CALN1: variants seen among roughly 807,000 people sequenced by gnomAD.
CALN1 encodes the protein calcium-binding protein 8.
CALN1 carries 17 observed loss-of-function variants against 30.6 expected under a neutral mutation model. That is an observed-to-expected ratio of 0.56 (90% CI 0.38 to 0.83). The LOEUF (loss-of-function observed/expected upper bound fraction) is 0.83. Among genes scored for constraint, CALN1 ranks in the 40% least tolerant of loss-of-function variants. The pLI is 0.00. For missense variants in CALN1, 291 were observed against 354.9 expected (o/e 0.82, Z 1.45); for synonymous variants, 156 against 131.4 (o/e 1.19, Z -1.28).
At chr7:72,292,842 A>C (rs1798589216) in intron 2 of CALN1, among the ~76,000 whole-genome samples, 1 of 150,142 alleles carries the variant, frequency 6.7e-6, no homozygotes, top group Non-Finnish European at 1.5e-5. Context: ...AAAGAATTTC[A>C]ACATATGACT....
chr7:72,411,455 CTG>C (rs1807140927), intron 1 of CALN1, among the ~76,000 whole-genome samples: 1 of 152,102 alleles, frequency 6.6e-6, no homozygotes, highest in African/African-American at 2.4e-5. Flanking sequence ...AGTAAAAACT[CTG>C]AAATCTAGTT....
chr7:72,102,732 T>C (rs779004155), intron 4 of CALN1, among the ~76,000 whole-genome samples: 12 of 152,068 alleles, frequency 7.9e-5, no homozygotes, highest in Non-Finnish European at 1.3e-4. Context: ...AGAGAAGTGC[T>C]TGTGTAGGGC....
intron 2 of CALN1, among the ~76,000 whole-genome samples, chr7:72,317,283 AG>A (rs2129556950): frequency 6.7e-6 from 1 of 149,258 alleles, no homozygotes; most frequent in African/African-American, 2.5e-5. Context: ...GAGGAAGGGA[AG>A]GGAAGGAAGG....
At chr7:72,122,435 C>T (rs1808461209) in intron 3 of CALN1, among the ~76,000 whole-genome samples, 1 of 152,144 alleles carries the variant, frequency 6.6e-6, no homozygotes, top group Non-Finnish European at 1.5e-5. Flanking sequence ...TCTTGAGAAT[C>T]CTTTCAAGAA....
At chr7:72,032,217 C>T (rs891863054) in intron 4 of CALN1, among the ~76,000 whole-genome samples, 4 of 151,944 alleles carry the variant, frequency 2.6e-5, no homozygotes, top group Admixed American at 1.3e-4. Flanking sequence ...CACCACTGCG[C>T]CCAGCTAATT....
At chr7:71,970,718 G>C (rs17144147) in intron 5 of CALN1, among the ~76,000 whole-genome samples, 10 of 151,916 alleles carry the variant, frequency 6.6e-5, no homozygotes, top group Non-Finnish European at 1.5e-4. Context: ...AATAAAGCTC[G>C]TGACATTTTC....
At chr7:72,443,625 T>C (rs1808428424) in intron 1 of CALN1, among the ~76,000 whole-genome samples, 1 of 151,850 alleles carries the variant, frequency 6.6e-6, no homozygotes, top group Non-Finnish European at 1.5e-5. Flanking sequence ...ATCATCTACT[T>C]GAAAGAAGCC....
At chr7:71,906,301 G>T (rs1183700238) in intron 5 of CALN1, among the ~76,000 whole-genome samples, 1 of 152,144 alleles carries the variant, frequency 6.6e-6, no homozygotes, top group Non-Finnish European at 1.5e-5. Flanking sequence ...GCTTTGGGAA[G>T]TGCAATTTAG....
chr7:71,831,871 C>CAAAA lies in CALN1; in HGVS notation c.502-21383_502-21380dup, dbSNP rs751078568. Among the ~76,000 whole-genome samples the CAAAA allele has an allele frequency of 6.7e-4, 14 of 20,862 alleles. 1 individual carries two copies. The highest frequency in any genetic ancestry group is 8.7e-4 in the Non-Finnish European group (9 of 10,352). The allele number at this position is 20,862 out of a possible 152,430, so 13.7% of individuals were successfully genotyped here. On this transcript the variant is annotated intron_variant, in intron 5 of 6. Transcript: ENST00000395275. ...GGGTGAAGGGAGTGAAACCCTGCCT[C>CAAAA]AAAAAAAAAAAAAAAAAAAAAAAAA...
intron 5 of CALN1, among the ~76,000 whole-genome samples, chr7:72,018,783 T>G (rs1008059630): frequency 1.3e-5 from 2 of 152,182 alleles, no homozygotes; most frequent in African/African-American, 4.8e-5. Context: ...TATTCTACCC[T>G]TGGCACTATA....
intron 2 of CALN1, among the ~76,000 whole-genome samples, chr7:72,311,766 A>G (rs990487252): frequency 2.2e-4 from 32 of 148,234 alleles, no homozygotes; most frequent in Non-Finnish European, 4.4e-4. Context: ...CAAACTGCTG[A>G]GATTACAGGC....
intron 3 of CALN1, among the ~76,000 whole-genome samples, chr7:72,128,117 C>T (rs546015120): frequency 1.0e-3 from 158 of 152,196 alleles, no homozygotes; most frequent in Non-Finnish European, 1.9e-3. Flanking sequence ...CCAGCAATTC[C>T]ATTGTAGGAA....
intron 5 of CALN1, among the ~76,000 whole-genome samples, chr7:71,928,285 C>T (rs1259936953): frequency 6.6e-6 from 1 of 152,080 alleles, no homozygotes. Context: ...TGATTCTCTC[C>T]CACTGTATGG....
At chr7:72,201,726 T>C (rs1791437272) in intron 3 of CALN1, among the ~76,000 whole-genome samples, 1 of 145,752 alleles carries the variant, frequency 6.9e-6, no homozygotes, top group Non-Finnish European at 1.5e-5. Flanking sequence ...ATGTACAACC[T>C]TGAATCTGAT....
chr7:71,971,757 G>T (rs768316861), intron 5 of CALN1, among the ~76,000 whole-genome samples: 2 of 151,190 alleles, frequency 1.3e-5, no homozygotes, highest in Non-Finnish European at 2.9e-5. Context: ...AATTAGCCAA[G>T]TATGGTAGCA....
intron 4 of CALN1, among the ~76,000 whole-genome samples, chr7:72,056,022 T>C (rs1308273495): frequency 6.6e-6 from 1 of 152,134 alleles, no homozygotes; most frequent in East Asian, 1.9e-4. Context: ...CCTGTCTCAA[T>C]TAAAAAATAA....
chr7:71,939,401 T>G (rs879754991), intron 5 of CALN1, among the ~76,000 whole-genome samples: 1 of 41,362 alleles, frequency 2.4e-5, no homozygotes. Flanking sequence ...CTACTAAAAA[T>G]ACAAAAAAAA....
At chr7:72,146,222 C>G (rs1385411616) in intron 3 of CALN1, among the ~76,000 whole-genome samples, 1 of 152,132 alleles carries the variant, frequency 6.6e-6, no homozygotes, top group Non-Finnish European at 1.5e-5. Context: ...TCTAGAAAAC[C>G]CCATTGTCTC....
At chr7:72,089,391 A>G (rs940647610) in intron 4 of CALN1, among the ~76,000 whole-genome samples, 1 of 152,192 alleles carries the variant, frequency 6.6e-6, no homozygotes, top group Admixed American at 6.6e-5. Context: ...CATACTAGGT[A>G]CACAGGAGAA....
Sources: allele counts gnomAD v4.1 joint callset (sites outside exome capture counted in the v4.1 genomes callset), GRCh38; gene constraint gnomAD v4.1.1; transcripts MANE v1.5; gene names NCBI Gene and HGNC (gene_info 2026-07-23, HGNC 2026-07-21).